The following KMT5B variants were observed in gnomAD, a reference collection of about 807,000 sequenced individuals.
KMT5B encodes lysine methyltransferase 5B.
A neutral mutation model predicts 83.2 loss-of-function variants in KMT5B; 10 were observed. That is an observed-to-expected ratio of 0.12 (90% CI 0.07 to 0.20). KMT5B has a LOEUF of 0.20. KMT5B is among the 10% of genes least tolerant of loss of function. The pLI, the probability that KMT5B is intolerant of heterozygous loss-of-function variation, is 1.00. For synonymous variants in KMT5B, 349 were observed against 388.8 expected (o/e 0.90, Z 1.20); for missense variants, 753 against 1,067.2 (o/e 0.71, Z 4.10).
At chr11:68,189,045 C>G (rs1415177680) in intron 2 of KMT5B, among the ~76,000 whole-genome samples, 2 of 152,162 alleles carry the variant, frequency 1.3e-5, no homozygotes, top group African/African-American at 2.4e-5. Flanking sequence ...ATCGCATAAA[C>G]CCTAAAAGGT....
intron 5 of KMT5B, chr11:68,174,248 A>G (rs1343844313): frequency 2.6e-6 from 1 of 386,544 alleles, no homozygotes; most frequent in East Asian, 7.2e-5. Flanking sequence ...AAGTAAGATC[A>G]TTAGGTAACA....
intron 2 of KMT5B, among the ~76,000 whole-genome samples, chr11:68,187,066 A>AG (rs554394682): frequency 1.2e-4 from 18 of 151,758 alleles, no homozygotes; most frequent in Non-Finnish European, 2.5e-4. Context: ...GCATGATCAC[A>AG]GCTCACCGCA....
chr11:68,180,621 GAA>G (rs1255342893), intron 3 of KMT5B, among the ~76,000 whole-genome samples: 2 of 152,116 alleles, frequency 1.3e-5, no homozygotes, highest in African/African-American at 4.8e-5. Flanking sequence ...AAGAAAAGTT[GAA>G]AAGAGAAACT....
chr11:68,207,577 G>C (rs963151251), intron 1 of KMT5B, among the ~76,000 whole-genome samples: 32 of 152,118 alleles, frequency 2.1e-4, no homozygotes, highest in African/African-American at 7.7e-4. Flanking sequence ...CGGATCACGA[G>C]GTCAAGAATT....
rs2153054655 is a variant in KMT5B at position 68,173,856 on chromosome 11, T to C, written c.601A>G (p.Asn201Asp). 6.2e-7 allele frequency: 1 copy of C among 1,613,284 alleles called. No individual in the cohort carries two copies. The highest frequency in any genetic ancestry group is 8.5e-7 in the Non-Finnish European group (1 of 1,179,742). ...TDSGFEILPC[N>D]RYSSEQNGAK... ...CCATTTTGTTCTGATGAGTATCTATTACATGGCAATATTTCAAATCCACTG... is the reference window on the plus strand; with the variant it reads ...CCATTTTGTTCTGATGAGTATCTATCACATGGCAATATTTCAAATCCACTG... The change falls in exon 6 of 11, where the codon AAT (asparagine) becomes GAT (aspartate). Residue 201 changes from asparagine (N) to aspartate (D), a missense_variant. By Grantham distance (23) the Asn-to-Asp change is conservative. This residue lies in a region of KMT5B where 34 missense variants were observed against 172.5 expected (regional missense o/e 0.20). Transcript: ENST00000304363.
At chr11:68,179,462 CCA>C in intron 4 of KMT5B, 1 of 1,303,972 alleles carries the variant, frequency 7.7e-7, no homozygotes, top group Non-Finnish European at 1.0e-6. Flanking sequence ...ATTCACACTC[CCA>C]CACACCTGTT....
At chr11:68,161,267 G>A (rs989201362) in intron 10 of KMT5B, among the ~76,000 whole-genome samples, 1 of 152,088 alleles carries the variant, frequency 6.6e-6, no homozygotes, top group African/African-American at 2.4e-5. Context: ...GTTTCTTTAT[G>A]CTTGCCTACA....
At chr11:68,192,889 G>C (rs1858255796) in intron 1 of KMT5B, among the ~76,000 whole-genome samples, 1 of 152,188 alleles carries the variant, frequency 6.6e-6, no homozygotes, top group African/African-American at 2.4e-5. Context: ...CAACAAAACT[G>C]AGAAGCTACT....
chr11:68,180,098 C>A, intron 4 of KMT5B, 34 bp downstream of exon 4: 2 of 1,558,634 alleles, frequency 1.3e-6, no homozygotes, highest in Admixed American at 1.9e-5. Flanking sequence ...ATGGGTTAGT[C>A]AGTATCTCAT....
chr11:68,174,031 C>T (rs1856099096), intron 5 of KMT5B, 118 bp from the exon 6 acceptor site: 6 of 739,950 alleles, frequency 8.1e-6, no homozygotes, highest in East Asian at 5.4e-5. Flanking sequence ...CTAGCCTGAG[C>T]AACATAGCGA....
chr11:68,155,165 G>A lies in KMT5B; in HGVS notation c.*2523C>T, dbSNP rs1008899288. The A allele has an allele frequency of 1.7e-4, 26 of 152,186 alleles. No homozygotes were observed. The highest frequency in any genetic ancestry group is 5.5e-4 in the African/African-American group (23 of 41,442). 9.4% of individuals were successfully genotyped at this position (152,186 alleles called of 1,614,324 possible). ...TTAACCAATCATTGCATAAGCTCAA[G>A]CTAAGAGTTTTATTGAATGCAACCT... is the stretch of plus-strand genomic sequence containing the variant. On this transcript the variant is annotated 3_prime_UTR_variant, in exon 11 of 11. Transcript: ENST00000304363.
At chr11:68,166,299 T>C (rs1442844011) in intron 10 of KMT5B, 7 of 1,093,048 alleles carry the variant, frequency 6.4e-6, no homozygotes, top group Non-Finnish European at 7.8e-6. Context: ...TTTCTCTTTG[T>C]TTAGTCTTCG....
chr11:68,182,049 G>A (rs965772683), intron 3 of KMT5B, among the ~76,000 whole-genome samples: 8 of 152,286 alleles, frequency 5.3e-5, no homozygotes, highest in African/African-American at 1.4e-4. Flanking sequence ...GATTTCTTCT[G>A]CAAGTTTAAC....
intron 4 of KMT5B, chr11:68,179,391 GAAAAAT>G: frequency 8.2e-7 from 1 of 1,225,278 alleles, no homozygotes; most frequent in Non-Finnish European, 1.1e-6. Context: ...GCTGGTATAA[GAAAAAT>G]AAAAATGTCA....
At chr11:68,163,371 T>C (rs1855023282) in intron 10 of KMT5B, among the ~76,000 whole-genome samples, 1 of 152,226 alleles carries the variant, frequency 6.6e-6, no homozygotes, top group Non-Finnish European at 1.5e-5. Context: ...TGGGACTTGT[T>C]AGGCCTTCCT....
At chr11:68,176,622 A>G (rs1375612239) in intron 4 of KMT5B, 1 of 152,142 alleles carries the variant, frequency 6.6e-6, no homozygotes, top group Non-Finnish European at 1.5e-5. Flanking sequence ...CGTCTCTAAA[A>G]TGCAAAAAAT....
intron 10 of KMT5B, among the ~76,000 whole-genome samples, chr11:68,160,416 A>C (rs377242475): frequency 2.3e-4 from 35 of 152,324 alleles, no homozygotes; most frequent in South Asian, 2.1e-3. Context: ...TTCCTAATCA[A>C]AACACTCCAT....
At chr11:68,174,252 G>C (rs1008487251) in intron 5 of KMT5B, 7 of 375,244 alleles carry the variant, frequency 1.9e-5, no homozygotes, top group African/African-American at 1.5e-4. Context: ...AAGATCATTA[G>C]GTAACAAACT....
rs1322986949 is a variant in KMT5B at position 68,195,472 on chromosome 11, CCT to C, written c.-76-5322_-76-5321del. 2.6e-5 allele frequency among the ~76,000 whole-genome samples: 4 copies of C among 152,258 alleles called. No homozygotes were observed. The East Asian group carries it at 7.7e-4, about 29-fold the overall frequency. On this transcript the variant is annotated intron_variant, in intron 1 of 10. Transcript: ENST00000304363. ...GGTACAACACAGATAGATCCAGGGT[CCT>C]GTTACATAGTTGCAAGTCACACTCT...
Sources: gnomAD v4.1 joint callset for allele counts (sites outside exome capture counted in the v4.1 genomes callset) on GRCh38, gnomAD v4.1.1 for gene constraint, gnomAD v4.1.1 regional missense constraint, MANE v1.5 for transcripts, NCBI Gene and HGNC (gene_info 2026-07-23, HGNC 2026-07-21) for gene names.